FNIP2: variants seen among roughly 807,000 people sequenced by gnomAD.
The protein encoded by FNIP2 is folliculin-interacting protein 2.
A neutral mutation model predicts 108.7 loss-of-function variants in FNIP2; 32 were observed. The observed-to-expected ratio is 0.29, with a 90% confidence interval of 0.22 to 0.40. The LOEUF is 0.40. Among genes scored for constraint, FNIP2 ranks in the 10% least tolerant of loss-of-function variants. The pLI, the probability that FNIP2 is intolerant of heterozygous loss-of-function variation, is 1.00. For missense variants in FNIP2, 1,202 were observed against 1,381.6 expected (o/e 0.87, Z 2.06); for synonymous variants, 480 against 496.7 (o/e 0.97, Z 0.45).
intron 7 of FNIP2, among the ~76,000 whole-genome samples, chr4:158,842,859 A>G (rs187414168): frequency 2.0e-5 from 3 of 152,318 alleles, no homozygotes; most frequent in Admixed American, 6.5e-5. Context: ...AGGACCCTTT[A>G]AAGTCCTAAA....
At chr4:158,798,750 T>G (rs1211702688) in intron 1 of FNIP2, among the ~76,000 whole-genome samples, 1 of 152,248 alleles carries the variant, frequency 6.6e-6, no homozygotes, top group Admixed American at 6.5e-5. Flanking sequence ...ATGTCAGATG[T>G]TCTTTGTTTT....
At chr4:158,831,618 A>T (rs886352534) in intron 3 of FNIP2, among the ~76,000 whole-genome samples, 1 of 152,214 alleles carries the variant, frequency 6.6e-6, no homozygotes, top group East Asian at 1.9e-4. Flanking sequence ...ATGAACTCTA[A>T]TAAAACACTT....
At chr4:158,886,623 G>T (rs1432731529) in intron 14 of FNIP2, among the ~76,000 whole-genome samples, 2 of 152,318 alleles carry the variant, frequency 1.3e-5, no homozygotes, top group East Asian at 1.9e-4. Flanking sequence ...TCTAATAGGA[G>T]AATTTGATAA....
chr4:158,786,918 G>A (rs969911522), intron 1 of FNIP2, among the ~76,000 whole-genome samples: 4 of 152,070 alleles, frequency 2.6e-5, no homozygotes, highest in African/African-American at 9.7e-5. Flanking sequence ...CAGGGGTGGG[G>A]ATAGGAAACA....
At chr4:158,830,272 T>A (rs1455197352) in intron 3 of FNIP2, among the ~76,000 whole-genome samples, 1 of 135,832 alleles carries the variant, frequency 7.4e-6, no homozygotes, top group African/African-American at 3.1e-5. Flanking sequence ...TTTTTTTTTT[T>A]TGAGACGGAG....
intron 16 of FNIP2, 113 bp downstream of exon 16, chr4:158,895,978 A>G (rs1782634799): frequency 2.8e-6 from 2 of 718,606 alleles, no homozygotes; most frequent in Non-Finnish European, 4.9e-6. Flanking sequence ...TAACCCATCA[A>G]AGTATGTGGA....
chr4:158,890,371 A>G, intron 14 of FNIP2: 1 of 984,692 alleles, frequency 1.0e-6, no homozygotes, highest in South Asian at 4.7e-5. Flanking sequence ...TAATAGTAGG[A>G]AAAAATGTTG....
intron 1 of FNIP2, chr4:158,805,960 C>T (rs759711655): frequency 8.7e-6 from 2 of 230,176 alleles, no homozygotes; most frequent in Non-Finnish European, 1.6e-5. Context: ...TTGCAGACAG[C>T]GTGTTTTGTA....
At chr4:158,816,931 G>A (rs1302874864) in intron 1 of FNIP2, among the ~76,000 whole-genome samples, 1 of 151,696 alleles carries the variant, frequency 6.6e-6, no homozygotes. Flanking sequence ...AATAAATAAT[G>A]TGCATTTAAG....
intron 8 of FNIP2, among the ~76,000 whole-genome samples, chr4:158,854,139 A>G (rs757053500): frequency 1.3e-5 from 2 of 152,214 alleles, no homozygotes; most frequent in Non-Finnish European, 2.9e-5. Flanking sequence ...CTCTCTGCAG[A>G]ATTATAATAA....
chr4:158,787,670 T>C (rs1448179405), intron 1 of FNIP2, among the ~76,000 whole-genome samples: 1 of 152,244 alleles, frequency 6.6e-6, no homozygotes, highest in African/African-American at 2.4e-5. Context: ...TACATTTTTA[T>C]GATTCTTAAT....
chr4:158,882,119 G>A (rs1012123333), intron 14 of FNIP2, among the ~76,000 whole-genome samples: 8 of 145,702 alleles, frequency 5.5e-5, no homozygotes, highest in South Asian at 2.2e-4. Flanking sequence ...TGGCCGCCCC[G>A]TCTGAGAAAT....
At chr4:158,785,865 T>C (rs1032250307) in intron 1 of FNIP2, among the ~76,000 whole-genome samples, 2 of 152,218 alleles carry the variant, frequency 1.3e-5, no homozygotes, top group Admixed American at 1.3e-4. Flanking sequence ...TAATTTTCAT[T>C]TTGTTTCTGA....
At chr4:158,810,456 T>A (rs1432781770) in intron 1 of FNIP2, among the ~76,000 whole-genome samples, 1 of 152,212 alleles carries the variant, frequency 6.6e-6, no homozygotes, top group African/African-American at 2.4e-5. Context: ...TGAGAATTTT[T>A]CTTTGACTAG....
chr4:158,882,115 C>CCCCGTCTGAGAAATGAGGAG (rs1781683350), intron 14 of FNIP2, among the ~76,000 whole-genome samples: 1 of 151,970 alleles, frequency 6.6e-6, no homozygotes, highest in South Asian at 2.1e-4. Context: ...TGCCTGGCCG[C>CCCCGTCTGAGAAATGAGGAG]CCCGTCTGAG....
chr4:158,888,889 A>C (rs1782150317), intron 14 of FNIP2, among the ~76,000 whole-genome samples: 1 of 150,368 alleles, frequency 6.7e-6, no homozygotes, highest in Non-Finnish European at 1.5e-5. Flanking sequence ...AAAAAAAAAA[A>C]AAAGTAAGAA....
At chr4:158,896,849 T>TA (rs1553967033) in intron 16 of FNIP2, among the ~76,000 whole-genome samples, 5 of 151,758 alleles carry the variant, frequency 3.3e-5, no homozygotes, top group African/African-American at 4.8e-5. Flanking sequence ...TAGTTTTTTT[T>TA]TTATTATTAT....
Position 158,891,368 on chromosome 4 carries a change from G to A in FNIP2, c.2950-78G>A. ...GCTGTCAAGAATTTTACATTTAAAT[G>A]TATTTATCAGTAGTGAAACTTTGAC... On this transcript the variant is annotated intron_variant, in intron 14 of 16. Coordinates refer to ENST00000264433, the MANE Select transcript of FNIP2 (RefSeq NM_020840.3). The A allele has an allele frequency of 2.3e-6, 3 of 1,302,648 alleles. No homozygotes were observed. In the South Asian group the frequency reaches 4.0e-5, roughly 17 times the overall value. 80.7% of individuals were successfully genotyped at this position (1,302,648 alleles called of 1,614,324 possible).
chr4:158,795,825 C>T (rs912361779), intron 1 of FNIP2: 3 of 152,264 alleles, frequency 2.0e-5, no homozygotes, highest in African/African-American at 7.2e-5. Context: ...TGCGAGTGAT[C>T]TAGGTTGCGC....
Sources: allele counts gnomAD v4.1 joint callset (sites outside exome capture counted in the v4.1 genomes callset), GRCh38; gene constraint gnomAD v4.1.1; transcripts MANE v1.5; gene names NCBI Gene and HGNC (gene_info 2026-07-23, HGNC 2026-07-21).